The following UBE3A variants were observed in gnomAD, a reference collection of about 807,000 sequenced individuals.
UBE3A encodes ubiquitin protein ligase E3A.
A neutral mutation model predicts 83.4 loss-of-function variants in UBE3A; 6 were observed. The observed-to-expected ratio is 0.07, with a 90% CI of 0.04 to 0.14. UBE3A has a LOEUF of 0.14. Among genes scored for constraint, UBE3A ranks in the 10% least tolerant of loss-of-function variants. UBE3A has a pLI of 1.00. For synonymous variants in UBE3A, 337 were observed against 355.4 expected (o/e 0.95, Z 0.58); for missense variants, 456 against 1,036.1 (o/e 0.44, Z 7.69).
intron 1 of UBE3A, among the ~76,000 whole-genome samples, chr15:25,429,018 G>T (rs985063035): frequency 1.3e-5 from 2 of 152,168 alleles, no homozygotes; most frequent in Non-Finnish European, 2.9e-5. Context: ...GTGCCATACA[G>T]CAGTGAAACT....
Position 25,429,861 on chromosome 15 carries a change from C to T in UBE3A, c.-165+8628G>A, listed in dbSNP as rs187064989. 2.5e-4 allele frequency among the ~76,000 whole-genome samples: 38 copies of T among 149,326 alleles called. No individual in the cohort carries two copies. The East Asian group carries it at 6.8e-3, about 27-fold the overall frequency. Reference sequence around the variant, plus strand: ...ATCTACTAAAAATACAAAAATTAGCCGGGCGTGGTAGTGCACACCTGTAGT... The same window carrying T: ...ATCTACTAAAAATACAAAAATTAGCTGGGCGTGGTAGTGCACACCTGTAGT... On this transcript the variant is annotated intron_variant, in intron 1 of 12. Coordinates refer to ENST00000648336, the MANE Select transcript of UBE3A (RefSeq NM_130839.5).
At chr15:25,404,125 AAAGAC>A (rs2087857739) in intron 4 of UBE3A, among the ~76,000 whole-genome samples, 1 of 152,342 alleles carries the variant, frequency 6.6e-6, no homozygotes, top group Non-Finnish European at 1.5e-5. Context: ...TTAAAGCTTA[AAAGAC>A]AAGTCACATG....
chr15:25,405,613 A>G (rs2088334452), intron 3 of UBE3A, 111 bp from the exon 4 acceptor site: 2 of 1,133,888 alleles, frequency 1.8e-6, no homozygotes, highest in East Asian at 2.4e-5. Flanking sequence ...GCACTAAATA[A>G]AACAGTTTTA....
At chr15:25,382,584 A>T (rs1246784884) in intron 4 of UBE3A, among the ~76,000 whole-genome samples, 10 of 151,914 alleles carry the variant, frequency 6.6e-5, no homozygotes, top group Admixed American at 6.5e-4. Context: ...AAAATAAAAA[A>T]AATAAAAATA....
intron 4 of UBE3A, among the ~76,000 whole-genome samples, chr15:25,376,972 T>A (rs2081333526): frequency 6.6e-6 from 1 of 152,196 alleles, no homozygotes; most frequent in Admixed American, 6.5e-5. Flanking sequence ...TTCAGTAGAA[T>A]AAACTACTGG....
chr15:25,366,739 CTCTT>C (rs1012588413), intron 6 of UBE3A, among the ~76,000 whole-genome samples: 14 of 152,070 alleles, frequency 9.2e-5, no homozygotes, highest in African/African-American at 3.1e-4. Context: ...AATGGCCTTT[CTCTT>C]TCTCTCTATA....
chr15:25,413,470 T>G (rs1289286672), intron 1 of UBE3A, among the ~76,000 whole-genome samples: 4 of 152,214 alleles, frequency 2.6e-5, no homozygotes, highest in African/African-American at 9.6e-5. Flanking sequence ...TTATTAAAAC[T>G]GTCTAAGTTT....
chr15:25,398,796 TATATATATATATATATATAA>T lies in UBE3A; in HGVS notation c.62+6645_62+6664del, dbSNP rs1289723099. On this transcript the variant is annotated intron_variant, in intron 4 of 12. Coordinates refer to ENST00000648336, the MANE Select transcript of UBE3A (RefSeq NM_130839.5). ...TTATATATATATATATATATATATA[TATATATATATATATATATAA>T]AAATACATATATATCCAAGTGTGAC... Among the ~76,000 whole-genome samples the T allele has an allele frequency of 2.3e-3, 169 of 72,120 alleles. 10 individuals are homozygous for T. The highest frequency in any genetic ancestry group is 5.7e-3 in the Middle Eastern group (1 of 174). 47.3% of individuals were successfully genotyped at this position (72,120 alleles called of 152,430 possible).
intron 11 of UBE3A, among the ~76,000 whole-genome samples, chr15:25,351,247 G>A (rs534130141): frequency 6.6e-6 from 1 of 152,174 alleles, no homozygotes; most frequent in African/African-American, 2.4e-5. Context: ...TAGTCATAGA[G>A]TTGATGAGAA....
intron 1 of UBE3A, among the ~76,000 whole-genome samples, chr15:25,416,615 C>T (rs1241648480): frequency 6.8e-6 from 1 of 146,428 alleles, no homozygotes; most frequent in Non-Finnish European, 1.5e-5. Context: ...AAGCTATACA[C>T]TTAGAAGTGT....
intron 6 of UBE3A, among the ~76,000 whole-genome samples, chr15:25,365,764 AAG>A (rs2079000759): frequency 2.0e-5 from 3 of 151,500 alleles, no homozygotes; most frequent in South Asian, 4.2e-4. Context: ...AAAAAAAAAA[AAG>A]AGGAAAAAGA....
chr15:25,369,691 G>A (rs1317579579), intron 6 of UBE3A, among the ~76,000 whole-genome samples: 3 of 152,260 alleles, frequency 2.0e-5, no homozygotes, highest in South Asian at 2.1e-4. Flanking sequence ...AAAGCTCTGC[G>A]ATAATGCACC....
At chr15:25,435,425 G>A (rs1894783233) in intron 1 of UBE3A, among the ~76,000 whole-genome samples, 1 of 152,146 alleles carries the variant, frequency 6.6e-6, no homozygotes, top group Non-Finnish European at 1.5e-5. Context: ...GCCTGCTCTA[G>A]TGCTGTGGTC....
chr15:25,398,398 C>G (rs2086106956), intron 4 of UBE3A, among the ~76,000 whole-genome samples: 1 of 151,948 alleles, frequency 6.6e-6, no homozygotes, highest in African/African-American at 2.4e-5. Flanking sequence ...ACAATAGATA[C>G]CTTGAACAAA....
rs150123386 is a variant in UBE3A at position 25,404,259 on chromosome 15, C to T, written c.62+1202G>A. Reference sequence around the variant, plus strand: ...AGTAAAAAAATCTTGATTTTTCCACCCTCACCCACAATTACAATTAATATC... The same window carrying T: ...AGTAAAAAAATCTTGATTTTTCCACTCTCACCCACAATTACAATTAATATC... On this transcript the variant is annotated intron_variant, in intron 4 of 12. Transcript: ENST00000648336. Among the ~76,000 whole-genome samples, 407 of 152,110 alleles carry T rather than the reference C, an allele frequency of 2.7e-3. 4 individuals carry two copies. Among genetic ancestry groups the T allele is most frequent in the Admixed American group, 4.8e-3 (74 of 15,264 alleles).
At chr15:25,357,902 C>CCTTTTTTTTTTTTTTTTTT (rs2077452751) in intron 7 of UBE3A, among the ~76,000 whole-genome samples, 1 of 95,744 alleles carries the variant, frequency 1.0e-5, no homozygotes, top group African/African-American at 4.5e-5. Context: ...ATCATGGAGG[C>CCTTTTTTTTTTTTTTTTTT]TTTTTTTTTT....
chr15:25,426,651 T>C (rs958240716), intron 1 of UBE3A, among the ~76,000 whole-genome samples: 2 of 152,184 alleles, frequency 1.3e-5, no homozygotes, highest in Non-Finnish European at 2.9e-5. Flanking sequence ...GCTTCTAATT[T>C]AACTTCAAAA....
intron 4 of UBE3A, chr15:25,393,916 T>A (rs566461723): frequency 1.3e-5 from 2 of 151,810 alleles, no homozygotes; most frequent in East Asian, 3.9e-4. Context: ...TCCAAATGCA[T>A]TTTTTCACAC....
At position 25,334,099 on chromosome 15, in the gene UBE3A, C is replaced by A. The variant is rs1188561093; in HGVS notation, c.*5038G>T. ...TGTACTGGAGGTGCTAGCCAGCACA[C>A]TAAGGCAAGAAAATGAAATAATAGG... On this transcript the variant is annotated 3_prime_UTR_variant, in exon 13 of 13. Coordinates refer to ENST00000648336, the MANE Select transcript of UBE3A (RefSeq NM_130839.5). The A allele has an allele frequency of 6.6e-6, 1 of 151,440 alleles. No homozygotes were observed. Among genetic ancestry groups the A allele is most frequent in the African/African-American group, 2.4e-5 (1 of 41,166 alleles). 9.4% of individuals were successfully genotyped at this position (151,440 alleles called of 1,614,324 possible).
Sources: gnomAD v4.1 joint callset for allele counts (sites outside exome capture counted in the v4.1 genomes callset) on GRCh38, gnomAD v4.1.1 for gene constraint, MANE v1.5 for transcripts, NCBI Gene and HGNC (gene_info 2026-07-23, HGNC 2026-07-21) for gene names.